Variants in TMED10 observed in about 807,000 individuals in gnomAD.
TMED10 encodes the protein transmembrane p24 trafficking protein 10, also known as transmembrane emp24 domain-containing protein 10.
In TMED10, 7 loss-of-function variants were observed where a neutral mutation model predicts 23.1. That is an observed-to-expected ratio of 0.30 (90% CI 0.17 to 0.57). The LOEUF (loss-of-function observed/expected upper bound fraction) is 0.57. Among genes scored for constraint, TMED10 ranks in the 20% least tolerant of loss-of-function variants. The pLI, the probability that TMED10 is intolerant of heterozygous loss-of-function variation, is 0.91. For missense variants in TMED10, 162 were observed against 274.8 expected (o/e 0.59, Z 2.90); for synonymous variants, 113 against 106.9 (o/e 1.06, Z -0.35).
chr14:75,163,163 T>TC (rs1348247246), intron 1 of TMED10, among the ~76,000 whole-genome samples: 1 of 151,914 alleles, frequency 6.6e-6, no homozygotes, highest in Non-Finnish European at 1.5e-5. Flanking sequence ...GATTGCCTGA[T>TC]CCCAGGAGGT....
intron 1 of TMED10, among the ~76,000 whole-genome samples, chr14:75,169,107 C>T (rs1435669972): frequency 1.3e-5 from 2 of 152,176 alleles, no homozygotes; most frequent in African/African-American, 2.4e-5. Context: ...AGTGCTTGCT[C>T]GTCTGTTCAC....
intron 1 of TMED10, chr14:75,175,974 C>A: frequency 3.4e-6 from 1 of 290,208 alleles, no homozygotes. Flanking sequence ...CCTTTACTTT[C>A]CTGCAGGTAT....
rs1010118442 is a variant in TMED10 at position 75,133,484 on chromosome 14, A to C, written c.*1401T>G. On this transcript the variant is annotated 3_prime_UTR_variant, in exon 5 of 5. Coordinates refer to ENST00000303575, the MANE Select transcript of TMED10 (RefSeq NM_006827.6). Reference sequence around the variant, plus strand: ...AATGGTTAAGATAAAAAATAGTAGTAATACCAAATGCTGGTGAGGATGTGA... The same window carrying C: ...AATGGTTAAGATAAAAAATAGTAGTCATACCAAATGCTGGTGAGGATGTGA... 5 of 152,308 alleles carry C rather than the reference A, an allele frequency of 3.3e-5. No individual in the cohort carries two copies. The highest frequency in any genetic ancestry group is 9.6e-5 in the African/African-American group (4 of 41,464). 9.4% of individuals were successfully genotyped at this position (152,308 alleles called of 1,614,324 possible).
At chr14:75,135,447 A>G (rs1267864221) in intron 4 of TMED10, among the ~76,000 whole-genome samples, 3 of 152,234 alleles carry the variant, frequency 2.0e-5, no homozygotes, top group African/African-American at 7.2e-5. Context: ...CTCAAAAATA[A>G]GTAAATAAAT....
intron 1 of TMED10, 21 bp from the exon 2 acceptor site, chr14:75,152,164 A>C (rs1164560836): frequency 1.9e-6 from 3 of 1,590,236 alleles, no homozygotes; most frequent in Non-Finnish European, 2.6e-6. Context: ...AAAAGTAGTA[A>C]GAATAGGCAG....
At chr14:75,157,704 C>T (rs1486180132) in intron 1 of TMED10, among the ~76,000 whole-genome samples, 1 of 151,904 alleles carries the variant, frequency 6.6e-6, no homozygotes, top group East Asian at 1.9e-4. Flanking sequence ...TTTTGGGAGG[C>T]CGAGGCGGGT....
At chr14:75,135,426 C>T (rs570527717) in intron 4 of TMED10, among the ~76,000 whole-genome samples, 11 of 152,178 alleles carry the variant, frequency 7.2e-5, no homozygotes, top group African/African-American at 2.4e-4. Context: ...AGCGACAGAG[C>T]GAGACTCCAT....
chr14:75,154,525 CTAGA>C (rs1468379106), intron 1 of TMED10, among the ~76,000 whole-genome samples: 4 of 147,430 alleles, frequency 2.7e-5, no homozygotes, highest in African/African-American at 1.0e-4. Context: ...GTTATCACTA[CTAGA>C]TAAATTTGAA....
intron 3 of TMED10, among the ~76,000 whole-genome samples, chr14:75,140,633 G>A (rs1895810588): frequency 6.6e-6 from 1 of 152,160 alleles, no homozygotes. Flanking sequence ...CTTTGAACCT[G>A]GGAGGCAGAG....
chr14:75,158,029 CCTTCCCCCAAAA>C (rs1458116029), intron 1 of TMED10, among the ~76,000 whole-genome samples: 1 of 152,122 alleles, frequency 6.6e-6, no homozygotes, highest in African/African-American at 2.4e-5. Context: ...TCCCATGCTG[CCTTCCCCCAAAA>C]GGAATGTCTG....
intron 1 of TMED10, among the ~76,000 whole-genome samples, chr14:75,166,389 A>G (rs753107235): frequency 4.6e-5 from 7 of 152,238 alleles, no homozygotes; most frequent in Non-Finnish European, 1.0e-4. Flanking sequence ...GCAATGGCTC[A>G]GGATCAAACT....
chr14:75,137,708 C>CTTTCTT (rs780549850), intron 3 of TMED10, among the ~76,000 whole-genome samples: 4 of 131,186 alleles, frequency 3.0e-5, no homozygotes, highest in Non-Finnish European at 4.7e-5. Context: ...TTCTTTCTTT[C>CTTTCTT]TTTTTTTTTT....
At chr14:75,168,247 C>T (rs1025002388) in intron 1 of TMED10, among the ~76,000 whole-genome samples, 1 of 152,104 alleles carries the variant, frequency 6.6e-6, no homozygotes, top group Non-Finnish European at 1.5e-5. Flanking sequence ...ACCTGAAATT[C>T]TATTATTTTA....
intron 1 of TMED10, among the ~76,000 whole-genome samples, chr14:75,164,845 G>C (rs1410816832): frequency 1.3e-5 from 2 of 150,572 alleles, no homozygotes; most frequent in East Asian, 3.9e-4. Context: ...CAGAGAGAAA[G>C]GGGTAGTCAG....
chr14:75,145,523 C>G (rs747622209), intron 3 of TMED10, among the ~76,000 whole-genome samples: 1 of 152,168 alleles, frequency 6.6e-6, no homozygotes, highest in African/African-American at 2.4e-5. Context: ...CGGTGCCTCA[C>G]GCATGTAATC....
intron 1 of TMED10, among the ~76,000 whole-genome samples, chr14:75,161,674 G>C (rs1896086861): frequency 6.6e-6 from 1 of 152,050 alleles, no homozygotes; most frequent in African/African-American, 2.4e-5. Context: ...CTAATGCAGA[G>C]GTGAGACCTG....
intron 1 of TMED10, among the ~76,000 whole-genome samples, chr14:75,156,681 C>T (rs1896022636): frequency 6.6e-6 from 1 of 152,084 alleles, no homozygotes; most frequent in Admixed American, 6.6e-5. Context: ...CACGGTGGCT[C>T]ACACCTGTAA....
intron 1 of TMED10, among the ~76,000 whole-genome samples, chr14:75,159,257 T>G (rs1199323948): frequency 6.6e-6 from 1 of 152,216 alleles, no homozygotes; most frequent in Non-Finnish European, 1.5e-5. Context: ...ACATTGAACT[T>G]GGGTAACATA....
chr14:75,150,532 T>C (rs1895942939), intron 2 of TMED10, among the ~76,000 whole-genome samples: 1 of 152,166 alleles, frequency 6.6e-6, no homozygotes, highest in African/African-American at 2.4e-5. Context: ...CCCATAAGAT[T>C]ATTATAATAC....
Sources: allele counts gnomAD v4.1 joint callset (sites outside exome capture counted in the v4.1 genomes callset), GRCh38; gene constraint gnomAD v4.1.1; transcripts MANE v1.5; gene names NCBI Gene and HGNC (gene_info 2026-07-23, HGNC 2026-07-21).